MMP26: variants seen among roughly 807,000 people sequenced by gnomAD.
The protein encoded by MMP26 is matrix metalloproteinase-26.
MMP26 carries 33 observed loss-of-function variants against 31.0 expected under a neutral mutation model. That is an observed-to-expected ratio of 1.06 (90% confidence interval 0.81 to 1.42). The LOEUF is 1.42. Among genes scored for constraint, MMP26 ranks in the 40% most tolerant of loss-of-function variants. The pLI, the probability that MMP26 is intolerant of heterozygous loss-of-function variation, is 0.00. For missense variants in MMP26, 347 were observed against 316.1 expected (o/e 1.10, Z -0.74); for synonymous variants, 122 against 114.9 (o/e 1.06, Z -0.40).
rs147552359 is a variant in MMP26 at position 4,924,036 on chromosome 11, G to A, written c.-144-64032G>A. 2,610 of 1,614,144 alleles carry A rather than the reference G, an allele frequency of 1.6e-3. 7 individuals carry two copies. The highest frequency in any genetic ancestry group is 2.0e-3 in the Non-Finnish European group (2,387 of 1,180,028). On this transcript the variant is annotated intron_variant, in intron 2 of 7. Coordinates refer to ENST00000380390, the MANE Select transcript of MMP26 (RefSeq NM_021801.5). Reference sequence around the variant, plus strand: ...GACAAGGTGTGGATGAAGAAGAGCTGAGTGAAACAGGCAGGGATGCCAATC... The same window carrying A: ...GACAAGGTGTGGATGAAGAAGAGCTAAGTGAAACAGGCAGGGATGCCAATC...
At chr11:4,748,533 A>C (rs145993087) in intron 1 of MMP26, among the ~76,000 whole-genome samples, 93 of 151,860 alleles carry the variant, frequency 6.1e-4, no homozygotes, top group African/African-American at 2.2e-3. Flanking sequence ...ATAGATGCAA[A>C]AATTCTTAAC....
At chr11:4,972,168 C>A (rs529778201) in intron 2 of MMP26, among the ~76,000 whole-genome samples, 1 of 152,188 alleles carries the variant, frequency 6.6e-6, no homozygotes, top group East Asian at 1.9e-4. Context: ...CTAGAGTAAC[C>A]AGATATGGAG....
chr11:4,911,001 A>T (rs995989615), intron 2 of MMP26, among the ~76,000 whole-genome samples: 14 of 152,158 alleles, frequency 9.2e-5, no homozygotes, highest in Admixed American at 9.2e-4. Flanking sequence ...AAAAACTGTA[A>T]TGTCTCCTGA....
At chr11:4,981,497 G>T (rs945650857) in intron 2 of MMP26, among the ~76,000 whole-genome samples, 1 of 152,016 alleles carries the variant, frequency 6.6e-6, no homozygotes, top group Admixed American at 6.6e-5. Context: ...CAACATAAAA[G>T]ATTAAAAATG....
chr11:4,964,384 C>T (rs1343012908), intron 2 of MMP26, among the ~76,000 whole-genome samples: 1 of 152,034 alleles, frequency 6.6e-6, no homozygotes. Context: ...TTCCCCATTG[C>T]TTATTTTTGT....
At chr11:4,721,253 T>C (rs952714944) in intron 1 of MMP26, among the ~76,000 whole-genome samples, 3 of 152,180 alleles carry the variant, frequency 2.0e-5, no homozygotes, top group Non-Finnish European at 4.4e-5. Context: ...TTTTATTAGG[T>C]ACTCCATCCT....
chr11:4,766,344 T>C (rs545121567), intron 1 of MMP26, among the ~76,000 whole-genome samples: 1 of 152,290 alleles, frequency 6.6e-6, no homozygotes, highest in African/African-American at 2.4e-5. Context: ...GGGCCACCTC[T>C]GCAAGCCCAA....
intron 2 of MMP26, among the ~76,000 whole-genome samples, chr11:4,959,094 C>T (rs1052555144): frequency 2.0e-5 from 3 of 151,780 alleles, no homozygotes; most frequent in Non-Finnish European, 2.9e-5. Context: ...AAAAATTAGC[C>T]GGGCGTGGTG....
At chr11:4,900,591 A>G (rs1850786107) in intron 2 of MMP26, among the ~76,000 whole-genome samples, 1 of 152,190 alleles carries the variant, frequency 6.6e-6, no homozygotes, top group African/African-American at 2.4e-5. Context: ...TTATATCAGA[A>G]TCTAGCTGAT....
At chr11:4,732,141 C>T (rs1848181379) in intron 1 of MMP26, among the ~76,000 whole-genome samples, 1 of 152,216 alleles carries the variant, frequency 6.6e-6, no homozygotes, top group Non-Finnish European at 1.5e-5. Context: ...ACCTCAGAGA[C>T]TGAACCATCC....
intron 2 of MMP26, among the ~76,000 whole-genome samples, chr11:4,800,824 A>C (rs1470397927): frequency 6.8e-6 from 1 of 146,422 alleles, no homozygotes; most frequent in Admixed American, 6.7e-5. Context: ...TTTGCTGCTT[A>C]GAAATTTTTT....
rs191172778 is a variant in MMP26, at chr11:4,992,253, G to A, written c.*11G>A. 2 of 1,607,728 alleles carry A rather than the reference G, an allele frequency of 1.2e-6. No individual in the cohort carries two copies. Among genetic ancestry groups the A allele is most frequent in the African/African-American group, 1.3e-5 (1 of 74,714 alleles). ...TCTGACATACCTTAATGTTAGCACA[G>A]AGGACTTATTCAACCTGTCCTTTCA... is the stretch of plus-strand genomic sequence containing the variant. On this transcript the variant is annotated 3_prime_UTR_variant, in exon 8 of 8. Transcript: ENST00000380390.
At chr11:4,815,667 G>A (rs1310127389) in intron 2 of MMP26, among the ~76,000 whole-genome samples, 1 of 151,890 alleles carries the variant, frequency 6.6e-6, no homozygotes, top group Non-Finnish European at 1.5e-5. Context: ...ATATGCTTCA[G>A]CAAGTGAAAT....
At chr11:4,959,153 G>A (rs931137794) in intron 2 of MMP26, among the ~76,000 whole-genome samples, 5 of 149,908 alleles carry the variant, frequency 3.3e-5, no homozygotes, top group African/African-American at 1.2e-4. Context: ...CAGGAGAACG[G>A]CGTGAATACG....
chr11:4,876,679 G>A (rs1000957772), intron 2 of MMP26: 6 of 152,120 alleles, frequency 3.9e-5, no homozygotes, highest in South Asian at 4.1e-4. Flanking sequence ...ATAGCACCAC[G>A]ATCTTGGGAA....
intron 2 of MMP26, among the ~76,000 whole-genome samples, chr11:4,861,112 T>C (rs1589922484): frequency 1.3e-5 from 2 of 149,300 alleles, no homozygotes; most frequent in East Asian, 3.9e-4. Context: ...TATACTTCCA[T>C]ATGTATATAC....
intron 2 of MMP26, among the ~76,000 whole-genome samples, chr11:4,979,821 T>C (rs1460981588): frequency 2.0e-5 from 3 of 152,084 alleles, no homozygotes. Context: ...AGGCATTCAT[T>C]TGATAAATAC....
intron 1 of MMP26, among the ~76,000 whole-genome samples, chr11:4,737,671 A>G (rs1848259602): frequency 6.6e-6 from 1 of 151,586 alleles, no homozygotes; most frequent in Admixed American, 6.6e-5. Context: ...CACAAACACA[A>G]AAACAAAAAA....
intron 2 of MMP26, among the ~76,000 whole-genome samples, chr11:4,951,424 C>T (rs116482473): frequency 0.016 from 1,927 of 124,318 alleles, 411 homozygotes; most frequent in African/African-American, 0.045. Flanking sequence ...TGAACTCTCT[C>T]CAGGCTGTTA....
Sources: gnomAD v4.1 joint callset for allele counts (sites outside exome capture counted in the v4.1 genomes callset) on GRCh38, gnomAD v4.1.1 for gene constraint, MANE v1.5 for transcripts, NCBI Gene and HGNC (gene_info 2026-07-23, HGNC 2026-07-21) for gene names.